The following ZNF385B variants were observed in gnomAD, a reference collection of about 807,000 sequenced individuals.
The protein encoded by ZNF385B is zinc finger protein 385B, also known as zinc finger protein 533.
ZNF385B carries 23 observed loss-of-function variants against 39.2 expected under a neutral mutation model. The observed-to-expected ratio is 0.59, with a 90% CI of 0.42 to 0.83. The LOEUF is 0.83. ZNF385B is among the 40% of genes least tolerant of loss of function. The pLI, the probability that ZNF385B is intolerant of heterozygous loss-of-function variation, is 0.00. For synonymous variants in ZNF385B, 205 were observed against 222.6 expected (o/e 0.92, Z 0.70); for missense variants, 552 against 598.9 (o/e 0.92, Z 0.82).
At chr2:179,614,986 G>A (rs1689611747) in intron 3 of ZNF385B, among the ~76,000 whole-genome samples, 1 of 152,168 alleles carries the variant, frequency 6.6e-6, no homozygotes, top group African/African-American at 2.4e-5. Context: ...TCTGTGATAG[G>A]TGTTATGCCT....
chr2:179,516,078 A>T (rs980549459), intron 5 of ZNF385B, among the ~76,000 whole-genome samples: 15 of 151,102 alleles, frequency 9.9e-5, no homozygotes, highest in African/African-American at 1.5e-4. Flanking sequence ...AGATTCATCC[A>T]CATTGTAGCA....
At chr2:179,621,149 T>G (rs994089501) in intron 3 of ZNF385B, among the ~76,000 whole-genome samples, 5 of 150,696 alleles carry the variant, frequency 3.3e-5, no homozygotes, top group Admixed American at 2.0e-4. Context: ...AAGAATGGGG[T>G]AGAAAAAAAG....
rs75136375 is a variant in ZNF385B, at chr2:179,681,937, A to C, written c.298+87566T>G. 8.3e-3 allele frequency among the ~76,000 whole-genome samples: 1,261 copies of C among 152,358 alleles called. 20 individuals are homozygous for C. The highest frequency in any genetic ancestry group is 0.029 in the African/African-American group (1,215 of 41,590). ...ATGCCTATAATCTTGTAAGATTTACATATGAGGATGTTTGCTGTAGCATAA... is the reference window on the plus strand; with the variant it reads ...ATGCCTATAATCTTGTAAGATTTACCTATGAGGATGTTTGCTGTAGCATAA... On this transcript the variant is annotated intron_variant, in intron 3 of 9. Transcript: ENST00000410066.
chr2:179,541,005 T>G (rs935081515), intron 4 of ZNF385B, among the ~76,000 whole-genome samples: 1 of 152,192 alleles, frequency 6.6e-6, no homozygotes, highest in Non-Finnish European at 1.5e-5. Flanking sequence ...TTTAAAACTT[T>G]ATGTTTTGGT....
intron 5 of ZNF385B, among the ~76,000 whole-genome samples, chr2:179,490,360 A>T (rs1204425641): frequency 6.6e-6 from 1 of 152,060 alleles, no homozygotes; most frequent in African/African-American, 2.4e-5. Context: ...CAATCACATT[A>T]TCAGAAAACT....
chr2:179,854,304 T>G (rs1035873301), intron 1 of ZNF385B, among the ~76,000 whole-genome samples: 1 of 152,154 alleles, frequency 6.6e-6, no homozygotes, highest in African/African-American at 2.4e-5. Context: ...AGGCTCAAAT[T>G]TTAAATATTC....
At chr2:179,625,847 A>G (rs1690614768) in intron 3 of ZNF385B, among the ~76,000 whole-genome samples, 1 of 152,160 alleles carries the variant, frequency 6.6e-6, no homozygotes, top group African/African-American at 2.4e-5. Flanking sequence ...AGGATAAAAT[A>G]AAAACAGACA....
chr2:179,592,720 C>T (rs935803983), intron 3 of ZNF385B, among the ~76,000 whole-genome samples: 1 of 151,826 alleles, frequency 6.6e-6, no homozygotes, highest in Admixed American at 6.6e-5. Context: ...TAATTATTAA[C>T]AAGATTAAAA....
intron 3 of ZNF385B, among the ~76,000 whole-genome samples, chr2:179,728,552 T>C (rs1701170304): frequency 6.6e-6 from 1 of 152,180 alleles, no homozygotes. Flanking sequence ...TACACATTTG[T>C]GGATCTTGGG....
chr2:179,616,636 T>C (rs1389268299), intron 3 of ZNF385B, among the ~76,000 whole-genome samples: 3 of 152,200 alleles, frequency 2.0e-5, no homozygotes, highest in African/African-American at 7.2e-5. Context: ...CATAGCTCCC[T>C]GCAGCCTTTA....
At chr2:179,518,985 C>T (rs1283864004) in intron 4 of ZNF385B, among the ~76,000 whole-genome samples, 1 of 152,106 alleles carries the variant, frequency 6.6e-6, no homozygotes, top group East Asian at 1.9e-4. Flanking sequence ...TTAAAATTAA[C>T]TTTTATTTTT....
chr2:179,667,126 T>C (rs758613129), intron 3 of ZNF385B, among the ~76,000 whole-genome samples: 1 of 152,206 alleles, frequency 6.6e-6, no homozygotes, highest in Non-Finnish European at 1.5e-5. Context: ...TGCTGCCCTC[T>C]TCCCCCCACC....
chr2:179,673,537 TG>T (rs1696331872), intron 3 of ZNF385B, among the ~76,000 whole-genome samples: 1 of 152,186 alleles, frequency 6.6e-6, no homozygotes, highest in Non-Finnish European at 1.5e-5. Flanking sequence ...GAACATGTGT[TG>T]GAATTATGGC....
chr2:179,779,501 A>T (rs1704540260), intron 1 of ZNF385B, among the ~76,000 whole-genome samples: 1 of 152,248 alleles, frequency 6.6e-6, no homozygotes, highest in Non-Finnish European at 1.5e-5. Flanking sequence ...ATCAGATTTC[A>T]GCTGTGAAAA....
intron 3 of ZNF385B, among the ~76,000 whole-genome samples, chr2:179,696,991 A>G (rs1164579081): frequency 6.6e-6 from 1 of 152,184 alleles, no homozygotes; most frequent in Admixed American, 6.5e-5. Context: ...ATAATCAAAG[A>G]CCAAAACAAC....
chr2:179,669,864 A>G (rs1319953470), intron 3 of ZNF385B, among the ~76,000 whole-genome samples: 1 of 152,202 alleles, frequency 6.6e-6, no homozygotes, highest in Non-Finnish European at 1.5e-5. Context: ...CCTCTATATA[A>G]TACAGAGCCC....
chr2:179,456,204 C>A (rs753126373), intron 6 of ZNF385B, among the ~76,000 whole-genome samples: 1 of 152,150 alleles, frequency 6.6e-6, no homozygotes, highest in Non-Finnish European at 1.5e-5. Context: ...TTCCTCAGGA[C>A]ATGAACTTTG....
chr2:179,594,797 C>CTT lies in ZNF385B; in HGVS notation c.299-49830_299-49829dup, dbSNP rs35322965. Among the ~76,000 whole-genome samples, 314 of 145,254 alleles carry CTT rather than the reference C, an allele frequency of 2.2e-3. 2 individuals carry two copies. The highest frequency in any genetic ancestry group is 3.1e-3 in the African/African-American group (123 of 39,476). On this transcript the variant is annotated intron_variant, in intron 3 of 9. Transcript: ENST00000410066. ...TTGTCTCAGTTGATATAGGTAAACTCTTTTTTTTTTTTTCTGTTTTGTTTT... is the reference window on the plus strand; with the variant it reads ...TTGTCTCAGTTGATATAGGTAAACTCTTTTTTTTTTTTTTTCTGTTTTGTTTT...
At chr2:179,511,269 G>C (rs951918413) in intron 5 of ZNF385B, among the ~76,000 whole-genome samples, 5 of 152,300 alleles carry the variant, frequency 3.3e-5, no homozygotes, top group African/African-American at 9.6e-5. Context: ...TGAGGTCTCT[G>C]CTGGGTGACA....
Sources: gnomAD v4.1 joint callset for allele counts (sites outside exome capture counted in the v4.1 genomes callset) on GRCh38, gnomAD v4.1.1 for gene constraint, MANE v1.5 for transcripts, NCBI Gene and HGNC (gene_info 2026-07-23, HGNC 2026-07-21) for gene names.